Variants in LINGO2 observed in about 807,000 individuals in gnomAD.
LINGO2 encodes leucine rich repeat and Ig domain containing 2, also known as leucine-rich repeat and immunoglobulin-like domain-containing nogo receptor-interacting protein 2.
A neutral mutation model predicts 30.6 loss-of-function variants in LINGO2; 14 were observed. The observed-to-expected ratio is 0.46, with a 90% CI of 0.30 to 0.72. LINGO2 has a LOEUF of 0.72. LINGO2 is among the 30% of genes least tolerant of loss of function. The pLI is 0.07. For synonymous variants in LINGO2, 317 were observed against 288.5 expected, an observed-to-expected ratio of 1.10 and a Z score of -1.00; for missense variants, 729 against 751.7, an observed-to-expected ratio of 0.97 and a Z score of 0.35.
chr9:29,165,110 T>C, the LINGO2 span, among the ~76,000 whole-genome samples: 1 of 152,136 alleles, frequency 6.6e-6, no homozygotes, highest in African/African-American at 2.4e-5. Context: ...TAAGAAAACA[T>C]TTTTCAATTC....
At chr9:29,138,983 C>T in the LINGO2 span, among the ~76,000 whole-genome samples, 6,262 of 152,132 alleles carry the variant, frequency 0.041, 196 homozygotes, top group Admixed American at 0.079. Context: ...ATATTACTTC[C>T]GGGATTAAGT....
intron 3 of LINGO2, among the ~76,000 whole-genome samples, chr9:28,344,917 G>C (rs964328039): frequency 6.6e-6 from 1 of 151,984 alleles, no homozygotes; most frequent in African/African-American, 2.4e-5. Context: ...ATCCACAAAG[G>C]AGCCACAGAT....
chr9:28,926,867 C>A, the LINGO2 span, among the ~76,000 whole-genome samples: 3 of 152,208 alleles, frequency 2.0e-5, no homozygotes, highest in Middle Eastern at 3.4e-3. Flanking sequence ...CCCTGCCCAC[C>A]TTTTCATGGC....
intron 1 of LINGO2, among the ~76,000 whole-genome samples, chr9:28,662,103 G>C (rs1202807735): frequency 6.6e-6 from 1 of 152,172 alleles, no homozygotes; most frequent in African/African-American, 2.4e-5. Context: ...GAATTAATTA[G>C]ATGTTGAACT....
chr9:28,152,857 A>T (rs1213119563), intron 4 of LINGO2, among the ~76,000 whole-genome samples: 1 of 152,182 alleles, frequency 6.6e-6, no homozygotes, highest in Non-Finnish European at 1.5e-5. Context: ...AAAATAACTG[A>T]TAAATCTAAA....
intron 4 of LINGO2, among the ~76,000 whole-genome samples, chr9:28,162,364 GAT>G (rs1828310753): frequency 6.6e-6 from 1 of 152,128 alleles, no homozygotes; most frequent in African/African-American, 2.4e-5. Flanking sequence ...GCATAAAGAA[GAT>G]AGTTTTTCAT....
chr9:28,236,449 AGT>A (rs2133955189), intron 4 of LINGO2, among the ~76,000 whole-genome samples: 1 of 152,344 alleles, frequency 6.6e-6, no homozygotes, highest in East Asian at 1.9e-4. Context: ...CAGTAATTGT[AGT>A]GTGTATACGT....
chr9:28,176,096 G>A (rs1242405021), intron 4 of LINGO2, among the ~76,000 whole-genome samples: 1 of 152,150 alleles, frequency 6.6e-6, no homozygotes, highest in Non-Finnish European at 1.5e-5. Context: ...AAACGCTTAA[G>A]TATTATGCTC....
chr9:28,941,357 C>T, the LINGO2 span, among the ~76,000 whole-genome samples: 18 of 152,178 alleles, frequency 1.2e-4, no homozygotes, highest in East Asian at 3.9e-4. Flanking sequence ...AAGAAACAAA[C>T]GATACCCTAT....
chr9:28,286,491 T>C (rs929648490), intron 4 of LINGO2, among the ~76,000 whole-genome samples: 1 of 152,200 alleles, frequency 6.6e-6, no homozygotes, highest in Non-Finnish European at 1.5e-5. Context: ...ATCATTCTAT[T>C]ATAAAGACAC....
chr9:28,121,964 A>C (rs1457529429), intron 4 of LINGO2, among the ~76,000 whole-genome samples: 32 of 152,234 alleles, frequency 2.1e-4, no homozygotes, highest in Admixed American at 2.1e-3. Context: ...AACATTGCCA[A>C]AAATAAATGC....
At chr9:29,074,830 G>C in the LINGO2 span, among the ~76,000 whole-genome samples, 43 of 148,356 alleles carry the variant, frequency 2.9e-4, no homozygotes, top group African/African-American at 1.0e-3. Context: ...ACCACACCTA[G>C]CTAATTTGCT....
intron 2 of LINGO2, among the ~76,000 whole-genome samples, chr9:28,434,401 T>C (rs1254758907): frequency 2.0e-5 from 3 of 151,522 alleles, no homozygotes; most frequent in Non-Finnish European, 4.4e-5. Context: ...ATTATTCAGA[T>C]AGAGGACAGA....
chr9:28,097,179 G>A (rs1443661858), intron 4 of LINGO2, among the ~76,000 whole-genome samples: 1 of 152,080 alleles, frequency 6.6e-6, no homozygotes, highest in Non-Finnish European at 1.5e-5. Flanking sequence ...AAAAAGTCAG[G>A]AAACAACAGG....
chr9:29,138,758 C>T, the LINGO2 span, among the ~76,000 whole-genome samples: 15 of 152,156 alleles, frequency 9.9e-5, no homozygotes, highest in South Asian at 6.2e-4. Context: ...CAGTATCATA[C>T]GAACTTTGCA....
chr9:28,632,308 A>G (rs1365035302), intron 1 of LINGO2, among the ~76,000 whole-genome samples: 3 of 152,078 alleles, frequency 2.0e-5, no homozygotes, highest in Admixed American at 6.6e-5. Flanking sequence ...TTATGACCAC[A>G]CACAAACACA....
At chr9:28,331,354 T>C (rs1825412004) in intron 3 of LINGO2, among the ~76,000 whole-genome samples, 2 of 152,072 alleles carry the variant, frequency 1.3e-5, no homozygotes, top group South Asian at 4.1e-4. Flanking sequence ...ATTAATCAAG[T>C]AGAGTTGAAA....
chr9:28,602,238 T>C (rs921991130), intron 1 of LINGO2, among the ~76,000 whole-genome samples: 4 of 152,224 alleles, frequency 2.6e-5, no homozygotes, highest in African/African-American at 9.6e-5. Flanking sequence ...TAGTCATTCA[T>C]TGGCTTGGGG....
the LINGO2 span, among the ~76,000 whole-genome samples, chr9:29,101,044 T>C: frequency 6.6e-6 from 1 of 152,204 alleles, no homozygotes; most frequent in Non-Finnish European, 1.5e-5. Flanking sequence ...CCCCAGAGTT[T>C]TTACCATTCT....
Sources: gnomAD v4.1 joint callset for allele counts (sites outside exome capture counted in the v4.1 genomes callset) on GRCh38, gnomAD v4.1.1 for gene constraint, MANE v1.5 for transcripts, NCBI Gene and HGNC (gene_info 2026-07-23, HGNC 2026-07-21) for gene names.